Variants in VKORC1L1 observed in about 807,000 individuals in gnomAD.
The protein encoded by VKORC1L1 is vitamin K epoxide reductase complex subunit 1-like protein 1.
VKORC1L1 carries 2 observed loss-of-function variants against 18.9 expected under a neutral mutation model. That is an observed-to-expected ratio of 0.11 (90% CI 0.04 to 0.33). VKORC1L1 has a LOEUF of 0.33. Ranked by LOEUF, VKORC1L1 falls within the 10% of genes least tolerant of loss-of-function variation. VKORC1L1 has a pLI of 1.00. For synonymous variants in VKORC1L1, 96 were observed against 100.0 expected, an observed-to-expected ratio of 0.96 and a Z score of 0.24; for missense variants, 123 against 224.1, an observed-to-expected ratio of 0.55 and a Z score of 2.88.
At position 65,937,859 on chromosome 7, in the gene VKORC1L1, C is replaced by T. The variant is rs147435006; in HGVS notation, c.195-10812C>T. Among the ~76,000 whole-genome samples, 54 of 152,134 alleles carry T rather than the reference C, an allele frequency of 3.5e-4. No individual in the cohort carries two copies. The East Asian group carries it at 7.1e-3, about 20-fold the overall frequency. On this transcript the variant is annotated intron_variant, in intron 1 of 2. Coordinates refer to ENST00000360768, the MANE Select transcript of VKORC1L1 (RefSeq NM_173517.6). ...CAGAGCAACCAAAAATTGAAGTAGCCAGAAATAAACTTAAAATAAACATAA... is the reference window on the plus strand; with the variant it reads ...CAGAGCAACCAAAAATTGAAGTAGCTAGAAATAAACTTAAAATAAACATAA...
chr7:65,933,922 AC>A (rs1236988491), intron 1 of VKORC1L1, among the ~76,000 whole-genome samples: 1 of 152,228 alleles, frequency 6.6e-6, no homozygotes, highest in African/African-American at 2.4e-5. Flanking sequence ...TAGAAATCTT[AC>A]AACTATTAAT....
At chr7:65,874,394 C>G (rs1788789992) in intron 1 of VKORC1L1, among the ~76,000 whole-genome samples, 1 of 151,844 alleles carries the variant, frequency 6.6e-6, no homozygotes, top group Admixed American at 6.6e-5. Context: ...TATTCGAGAC[C>G]AGCATATTGG....
At chr7:65,930,207 G>A (rs1466022202) in intron 1 of VKORC1L1, among the ~76,000 whole-genome samples, 1 of 152,266 alleles carries the variant, frequency 6.6e-6, no homozygotes, top group Admixed American at 6.5e-5. Flanking sequence ...ACTCAAATGA[G>A]GATGAGTAAA....
chr7:65,897,695 C>CTT (rs67153520), intron 1 of VKORC1L1, among the ~76,000 whole-genome samples: 3 of 137,696 alleles, frequency 2.2e-5, no homozygotes, highest in East Asian at 2.1e-4. Context: ...GGCTTATAAT[C>CTT]TTTTTTTTTT....
At chr7:65,948,892 G>A (rs1007653217) in intron 2 of VKORC1L1, 112 bp downstream of exon 2, 50 of 1,327,348 alleles carry the variant, frequency 3.8e-5, no homozygotes, top group Middle Eastern at 2.7e-4. Context: ...AACCACTAGC[G>A]TGTACAACAT....
At chr7:65,875,784 C>T (rs1048718349) in intron 1 of VKORC1L1, among the ~76,000 whole-genome samples, 2 of 152,002 alleles carry the variant, frequency 1.3e-5, no homozygotes, top group Non-Finnish European at 2.9e-5. Context: ...GTGGTGATTG[C>T]CATGTAGCAG....
At chr7:65,948,622 A>T (rs1188011703) in intron 1 of VKORC1L1, 49 bp from the exon 2 acceptor site, 7 of 665,024 alleles carry the variant, frequency 1.1e-5, no homozygotes, top group Non-Finnish European at 1.7e-5. Flanking sequence ...TACATTTTTT[A>T]AAATAGGGAA....
chr7:65,899,265 T>C (rs2116386143), intron 1 of VKORC1L1, among the ~76,000 whole-genome samples: 1 of 152,288 alleles, frequency 6.6e-6, no homozygotes, highest in South Asian at 2.1e-4. Flanking sequence ...TTCAACAGTT[T>C]CCCCCCTTGG....
chr7:65,929,930 C>A (rs1789832052), intron 1 of VKORC1L1, among the ~76,000 whole-genome samples: 1 of 151,688 alleles, frequency 6.6e-6, no homozygotes, highest in Non-Finnish European at 1.5e-5. Context: ...AACATAATAT[C>A]TCTATGTATA....
At chr7:65,916,265 T>C (rs970672733) in intron 1 of VKORC1L1, among the ~76,000 whole-genome samples, 11 of 152,076 alleles carry the variant, frequency 7.2e-5, no homozygotes, top group African/African-American at 1.7e-4. Flanking sequence ...CCCTAGCATT[T>C]CCCATGTTGA....
chr7:65,952,685 A>G (rs1790230700), intron 2 of VKORC1L1, among the ~76,000 whole-genome samples: 1 of 152,032 alleles, frequency 6.6e-6, no homozygotes, highest in African/African-American at 2.4e-5. Flanking sequence ...GTCCTTGAAA[A>G]TAAATGCACA....
In VKORC1L1 at chr7:65,895,480, AATATATATATATATAT is replaced by A. The variant is rs1162173957; in HGVS notation, c.194+21937_194+21952del. 9.1e-3 allele frequency among the ~76,000 whole-genome samples: 391 copies of A among 42,762 alleles called. 5 individuals are homozygous for A. The highest frequency in any genetic ancestry group is 0.075 in the East Asian group (84 of 1,116). 28.1% of individuals were successfully genotyped at this position (42,762 alleles called of 152,430 possible). On this transcript the variant is annotated intron_variant, in intron 1 of 2. Coordinates refer to ENST00000360768, the MANE Select transcript of VKORC1L1 (RefSeq NM_173517.6). ...AAAAAAAAAAAAAAAAAAAAAAAAA[AATATATATATATATAT>A]ATATATATATATATATATATACACA...
intron 1 of VKORC1L1, among the ~76,000 whole-genome samples, chr7:65,876,895 C>T (rs529346579): frequency 3.9e-5 from 6 of 152,226 alleles, no homozygotes; most frequent in East Asian, 3.9e-4. Context: ...AAAATACAAA[C>T]GTTAACCGGG....
chr7:65,928,470 T>A (rs747340314), intron 1 of VKORC1L1, among the ~76,000 whole-genome samples: 1 of 152,174 alleles, frequency 6.6e-6, no homozygotes, highest in Non-Finnish European at 1.5e-5. Context: ...TTTTACCTTT[T>A]CCAGAATATC....
At chr7:65,933,077 C>CAAA (rs59403784) in intron 1 of VKORC1L1, among the ~76,000 whole-genome samples, 9,199 of 65,118 alleles carry the variant, frequency 0.14, 520 homozygotes, top group Middle Eastern at 0.22. Context: ...GACTTCGTCT[C>CAAA]AAAAAAAAAA....
intron 1 of VKORC1L1, among the ~76,000 whole-genome samples, chr7:65,908,530 G>A (rs1282649414): frequency 6.6e-6 from 1 of 151,812 alleles, no homozygotes; most frequent in African/African-American, 2.4e-5. Context: ...ACCACTGAAG[G>A]CAGAGTTTTT....
At chr7:65,933,530 TTGTA>T (rs2115674084) in intron 1 of VKORC1L1, among the ~76,000 whole-genome samples, 1 of 152,314 alleles carries the variant, frequency 6.6e-6, no homozygotes, top group South Asian at 2.1e-4. Context: ...TGATTAGTGT[TTGTA>T]TGATGTAACT....
At chr7:65,878,662 T>C (rs1310219381) in intron 1 of VKORC1L1, among the ~76,000 whole-genome samples, 1 of 152,144 alleles carries the variant, frequency 6.6e-6, no homozygotes, top group Non-Finnish European at 1.5e-5. Context: ...CTCAGCACTT[T>C]GGGAGGCCGA....
At chr7:65,904,919 T>C (rs1402323837) in intron 1 of VKORC1L1, among the ~76,000 whole-genome samples, 2 of 152,240 alleles carry the variant, frequency 1.3e-5, no homozygotes, top group Admixed American at 1.3e-4. Flanking sequence ...TATACATTTC[T>C]TCCTGTGTAT....
Sources: gnomAD v4.1 joint callset for allele counts (sites outside exome capture counted in the v4.1 genomes callset) on GRCh38, gnomAD v4.1.1 for gene constraint, MANE v1.5 for transcripts, NCBI Gene and HGNC (gene_info 2026-07-23, HGNC 2026-07-21) for gene names.